Variants in GRIK2 observed in about 807,000 individuals in gnomAD.
GRIK2 encodes glutamate ionotropic receptor kainate type subunit 2, also known as glutamate receptor ionotropic, kainate 2.
Under a neutral mutation model 100.3 loss-of-function variants are expected in GRIK2, and 32 were observed. The ratio of observed to expected loss-of-function variants is 0.32; its 90% CI spans 0.24 to 0.43. The LOEUF (loss-of-function observed/expected upper bound fraction) is 0.43. GRIK2 is among the 20% of genes least tolerant of loss of function. The pLI is 1.00. For synonymous variants in GRIK2, 417 were observed against 389.4 expected, an observed-to-expected ratio of 1.07 and a Z score of -0.83; for missense variants, 843 against 1,114.9, an observed-to-expected ratio of 0.76 and a Z score of 3.47.
chr6:101,651,660 A>T (rs1242563057), intron 4 of GRIK2, among the ~76,000 whole-genome samples: 1 of 152,138 alleles, frequency 6.6e-6, no homozygotes, highest in African/African-American at 2.4e-5. Context: ...ATTCCAGGCA[A>T]AGGATATACA....
rs374340843 is a variant in GRIK2, at chr6:101,794,762, G to T, written c.952-4886G>T. Among the ~76,000 whole-genome samples, 21 of 150,864 alleles carry T rather than the reference G, an allele frequency of 1.4e-4. No individual in the cohort carries two copies. In the East Asian group the frequency reaches 2.1e-3, roughly 15 times the overall value. ...CTGAATATTTTGCTGAATAATTATT[G>T]TGCTCCTTTAGAGGTGTCATACTTC... On this transcript the variant is annotated intron_variant, in intron 7 of 16. Transcript: ENST00000369134.
chr6:101,777,049 C>A (rs1431495193), intron 7 of GRIK2, among the ~76,000 whole-genome samples: 1 of 152,204 alleles, frequency 6.6e-6, no homozygotes, highest in African/African-American at 2.4e-5. Flanking sequence ...GTGCGAACTG[C>A]TTTAATGTAT....
rs1250889227 is a variant in GRIK2 at position 102,001,178 on chromosome 6, CTTCT to C, written c.2086-34160_2086-34157del. Reference sequence around the variant, plus strand: ...GCCCAACACTGTTCCAGGCATTCTTCTTCTTTATTTTTTTTTTTTTTTCATTTTA... The same window carrying C: ...GCCCAACACTGTTCCAGGCATTCTTCTTATTTTTTTTTTTTTTTCATTTTA... On this transcript the variant is annotated intron_variant, in intron 14 of 16. Coordinates refer to ENST00000369134, the MANE Select transcript of GRIK2 (RefSeq NM_021956.5). Among the ~76,000 whole-genome samples, 35 of 138,588 alleles carry C rather than the reference CTTCT, an allele frequency of 2.5e-4. 1 individual carries two copies. In the South Asian group the frequency reaches 5.0e-3, roughly 20 times the overall value. 90.9% of individuals were successfully genotyped at this position (138,588 alleles called of 152,430 possible).
intron 9 of GRIK2, among the ~76,000 whole-genome samples, chr6:101,811,773 G>A (rs183670655): frequency 9.3e-5 from 14 of 151,262 alleles, no homozygotes; most frequent in Admixed American, 9.2e-4. Flanking sequence ...AACATTTTTT[G>A]GATTTAAAGT....
intron 7 of GRIK2, among the ~76,000 whole-genome samples, chr6:101,780,920 A>G (rs557485749): frequency 2.3e-4 from 35 of 152,298 alleles, no homozygotes; most frequent in Non-Finnish European, 3.7e-4. Context: ...TTATATTGCT[A>G]GGGGTTATAA....
chr6:101,733,892 A>C (rs2128372921), intron 7 of GRIK2, among the ~76,000 whole-genome samples: 1 of 152,108 alleles, frequency 6.6e-6, no homozygotes, highest in East Asian at 1.9e-4. Context: ...AATTTGTAAC[A>C]AGAATCACAT....
chr6:101,653,577 C>T (rs1454748621), intron 4 of GRIK2, among the ~76,000 whole-genome samples: 1 of 152,096 alleles, frequency 6.6e-6, no homozygotes, highest in African/African-American at 2.4e-5. Flanking sequence ...AAGCCCTCCT[C>T]TTTGCTGATT....
At chr6:101,413,746 GT>G (rs1471553051) in intron 2 of GRIK2, among the ~76,000 whole-genome samples, 2 of 152,034 alleles carry the variant, frequency 1.3e-5, no homozygotes, top group Non-Finnish European at 2.9e-5. Context: ...CACAATTAAT[GT>G]AATTTATCAA....
intron 2 of GRIK2, among the ~76,000 whole-genome samples, chr6:101,439,454 A>G (rs1354941807): frequency 6.6e-6 from 1 of 152,136 alleles, no homozygotes; most frequent in East Asian, 1.9e-4. Flanking sequence ...CAACAACCCT[A>G]TGAGAAAATT....
chr6:101,587,001 T>G (rs1401801343), intron 2 of GRIK2, among the ~76,000 whole-genome samples: 1 of 151,890 alleles, frequency 6.6e-6, no homozygotes, highest in East Asian at 1.9e-4. Context: ...AAATATGGAT[T>G]TAAACTCAAT....
At chr6:101,773,289 G>C (rs2128398395) in intron 7 of GRIK2, among the ~76,000 whole-genome samples, 1 of 152,100 alleles carries the variant, frequency 6.6e-6, no homozygotes, top group South Asian at 2.1e-4. Flanking sequence ...GACCATCCTG[G>C]CTAACATGGT....
intron 14 of GRIK2, among the ~76,000 whole-genome samples, chr6:102,005,383 A>G (rs1795160491): frequency 1.3e-5 from 2 of 152,048 alleles, no homozygotes; most frequent in Admixed American, 1.3e-4. Flanking sequence ...ATAAATTAGC[A>G]TAATTTTATT....
chr6:101,744,541 T>TATATATATATACAC (rs1554257101), intron 7 of GRIK2: 38 of 123,116 alleles, frequency 3.1e-4, no homozygotes, highest in African/African-American at 1.2e-3. Context: ...TATATATATA[T>TATATATATATACAC]ATATATATAT....
At chr6:101,748,732 G>C (rs1256741892) in intron 7 of GRIK2, among the ~76,000 whole-genome samples, 3 of 152,032 alleles carry the variant, frequency 2.0e-5, no homozygotes, top group African/African-American at 7.2e-5. Context: ...GTCTCCAGCA[G>C]TTTGATTGAC....
intron 2 of GRIK2, among the ~76,000 whole-genome samples, chr6:101,578,577 A>G (rs932904678): frequency 1.3e-5 from 2 of 152,100 alleles, no homozygotes; most frequent in African/African-American, 4.8e-5. Context: ...CTGCTTCAGA[A>G]TCATTTGGGT....
At chr6:101,920,298 T>G (rs1194145919) in intron 12 of GRIK2, among the ~76,000 whole-genome samples, 1 of 151,930 alleles carries the variant, frequency 6.6e-6, no homozygotes, top group African/African-American at 2.4e-5. Context: ...ACAGTCCAGC[T>G]CTGGTGGGAC....
chr6:101,723,708 T>C (rs566197880), intron 7 of GRIK2, among the ~76,000 whole-genome samples: 2 of 152,046 alleles, frequency 1.3e-5, no homozygotes, highest in African/African-American at 4.8e-5. Context: ...TAATAAAACA[T>C]GTTTGAAGGC....
intron 7 of GRIK2, among the ~76,000 whole-genome samples, chr6:101,703,005 T>C (rs1429234951): frequency 6.6e-6 from 1 of 151,874 alleles, no homozygotes; most frequent in Non-Finnish European, 1.5e-5. Context: ...AGCAGGAATA[T>C]GCAGTTTTGT....
intron 7 of GRIK2, among the ~76,000 whole-genome samples, chr6:101,798,245 C>T (rs1780448853): frequency 6.6e-6 from 1 of 151,854 alleles, no homozygotes; most frequent in South Asian, 2.1e-4. Flanking sequence ...ATGTATCTTC[C>T]CAATTCTGTT....
Sources: allele counts gnomAD v4.1 joint callset (sites outside exome capture counted in the v4.1 genomes callset), GRCh38; gene constraint gnomAD v4.1.1; transcripts MANE v1.5; gene names NCBI Gene and HGNC (gene_info 2026-07-23, HGNC 2026-07-21).